The following PXDN variants were observed in gnomAD, a reference collection of about 807,000 sequenced individuals.
PXDN encodes peroxidasin.
A neutral mutation model predicts 140.3 loss-of-function variants in PXDN; 77 were observed. The observed-to-expected ratio is 0.55, with a 90% CI of 0.46 to 0.66. The LOEUF is 0.66. PXDN is among the 30% of genes least tolerant of loss of function. PXDN has a pLI of 0.00. For missense variants in PXDN, 1,838 were observed against 2,039.5 expected, an observed-to-expected ratio of 0.90 and a Z score of 1.90; for synonymous variants, 911 against 857.4, an observed-to-expected ratio of 1.06 and a Z score of -1.09.
At chr2:1,703,462 G>A (rs532524891) in intron 1 of PXDN, among the ~76,000 whole-genome samples, 5 of 38,968 alleles carry the variant, frequency 1.3e-4, no homozygotes, top group Non-Finnish European at 2.1e-4. Context: ...CGGTGAAGGA[G>A]AGACAACTCC....
intron 7 of PXDN, 71 bp downstream of exon 7, chr2:1,680,119 ATGG>A (rs1683855363): frequency 2.8e-6 from 4 of 1,443,408 alleles, no homozygotes; most frequent in African/African-American, 1.4e-5. Context: ...GTGTGTGTAG[ATGG>A]TGTGTGTGTG....
intron 1 of PXDN, among the ~76,000 whole-genome samples, chr2:1,738,552 CT>C (rs11450893): frequency 0.021 from 3,128 of 147,636 alleles, 83 homozygotes; most frequent in African/African-American, 0.072. Context: ...GATCTTCAAA[CT>C]TTTTTTTTTT....
At chr2:1,740,942 A>G (rs1210132702) in intron 1 of PXDN, among the ~76,000 whole-genome samples, 3 of 152,166 alleles carry the variant, frequency 2.0e-5, no homozygotes, top group South Asian at 2.1e-4. Flanking sequence ...CAAGCTCCAC[A>G]TGCCCAGACC....
rs1236274952 is a variant in PXDN at position 1,680,340 on chromosome 2, G to A, written c.583C>T (p.His195Tyr). ...AACCACAGGATTTCACAGTCGCAGT[G>A]AAGTGTGTTTGAGTCCAGTCGCCTG... The part of the protein sequence containing the change: ...KRLRLDSNTL[H>Y]CDCEILWLAD... The change falls in exon 7 of 23, where the codon CAC becomes TAC. Residue 195 changes from histidine (H) to tyrosine (Y), a missense_variant. By Grantham distance (83) the His-to-Tyr change is moderately conservative. Coordinates refer to ENST00000252804, the MANE Select transcript of PXDN (RefSeq NM_012293.3). The A allele has an allele frequency of 1.2e-6, 2 of 1,614,044 alleles. No individual in the cohort carries two copies. Among genetic ancestry groups the A allele is most frequent in the African/African-American group, 1.3e-5 (1 of 75,066 alleles).
chr2:1,735,251 T>C (rs1455449416), intron 1 of PXDN, among the ~76,000 whole-genome samples: 2 of 152,212 alleles, frequency 1.3e-5, no homozygotes, highest in Non-Finnish European at 2.9e-5. Context: ...CCTGTACATG[T>C]TGATGTTTTG....
rs140830364 is a variant in PXDN at position 1,684,364 on chromosome 2, T to C, written c.417-213A>G. Among the ~76,000 whole-genome samples the C allele has an allele frequency of 4.9e-3, 748 of 152,304 alleles. 4 individuals carry two copies. The highest frequency in any genetic ancestry group is 0.017 in the African/African-American group (710 of 41,562). ...AGGCACAGATGTCCACCCTAGTGAC[T>C]GGATAAGGGCGAGGGAGGCCTAGAG... On this transcript the variant is annotated intron_variant, in intron 4 of 22. Coordinates refer to ENST00000252804, the MANE Select transcript of PXDN (RefSeq NM_012293.3).
chr2:1,741,237 A>G (rs1267788241), intron 1 of PXDN, among the ~76,000 whole-genome samples: 1 of 152,136 alleles, frequency 6.6e-6, no homozygotes, highest in Non-Finnish European at 1.5e-5. Flanking sequence ...AGGGGCGTAC[A>G]ACGGCATACT....
rs1170971783 is a variant in PXDN at position 1,683,678 on chromosome 2, G to A, written c.538C>T (p.His180Tyr). 11 of 1,607,720 alleles carry A rather than the reference G, an allele frequency of 6.8e-6. No homozygotes were observed. The highest frequency in any genetic ancestry group is 9.3e-6 in the Non-Finnish European group (11 of 1,177,658). ...CACAATCTCTTCATAGATTCCAAGT[G>A]ATTAAATGTCCCTGGAACTAAATGT... ...ITHLVPGTFN[H>Y]LESMKRLRLD... Residue 180 changes from histidine (H) to tyrosine (Y), a missense_variant, in exon 6 of 23, where the codon CAC becomes TAC. This residue lies in a region of PXDN where 208 missense variants were observed against 325.8 expected (regional missense o/e 0.64). Transcript: ENST00000252804.
chr2:1,716,009 G>A (rs898493720), intron 1 of PXDN, among the ~76,000 whole-genome samples: 1 of 152,322 alleles, frequency 6.6e-6, no homozygotes, highest in South Asian at 2.1e-4. Context: ...TAATTTGACG[G>A]CAGGTGGTGG....
intron 21 of PXDN, chr2:1,635,779 G>C (rs1345275557): frequency 2.1e-6 from 1 of 467,382 alleles, no homozygotes; most frequent in Non-Finnish European, 3.9e-6. Context: ...GTTCTCAGAG[G>C]ACTGTGGGAG....
intron 9 of PXDN, among the ~76,000 whole-genome samples, chr2:1,672,435 C>T (rs559867854): frequency 6.6e-6 from 1 of 152,324 alleles, no homozygotes; most frequent in African/African-American, 2.4e-5. Flanking sequence ...CTTTTTCTCC[C>T]TATTTTGTGG....
At chr2:1,730,799 G>T (rs535137703) in intron 1 of PXDN, among the ~76,000 whole-genome samples, 2 of 152,096 alleles carry the variant, frequency 1.3e-5, no homozygotes, top group Admixed American at 6.6e-5. Context: ...CTTCAGTTAA[G>T]CAACTAGATT....
In PXDN at chr2:1,714,782, C is replaced by A. The variant is rs1365232835; in HGVS notation, c.201-21648G>T. 6.6e-6 allele frequency among the ~76,000 whole-genome samples: 1 copy of A among 152,164 alleles called. No individual in the cohort carries two copies. The highest frequency in any genetic ancestry group is 1.5e-5 in the Non-Finnish European group (1 of 68,026). ...TTCAGACATTTAGAAATGCAAAGTG[C>A]ATAGCTCTTGGGCCGGACAAACCAG... On this transcript the variant is annotated intron_variant, in intron 1 of 22. Coordinates refer to ENST00000252804, the MANE Select transcript of PXDN (RefSeq NM_012293.3). This position sits in a 1 kb window ranked among gnomAD's most constrained non-coding sequence, Gnocchi z 4.3.
In PXDN at chr2:1,744,244, C is replaced by G. The variant is rs1419240582; in HGVS notation, c.200+12G>C. On this transcript the variant is annotated intron_variant, in intron 1 of 22. Transcript: ENST00000252804. ...CGGACCCCGCGCCCCCGGCGTCCCC[C>G]GCGGCACTCACAGGATGGAGGTCTG... 3 of 1,481,454 alleles carry G rather than the reference C, an allele frequency of 2.0e-6. No individual in the cohort carries two copies. The highest frequency in any genetic ancestry group is 2.9e-5 in the African/African-American group (2 of 68,534). 91.8% of individuals were successfully genotyped at this position (1,481,454 alleles called of 1,614,324 possible). A position where few individuals can be genotyped will look rare whatever the true frequency, so the allele number is the denominator to read the frequency against.
At chr2:1,737,836 C>T (rs933889215) in intron 1 of PXDN, among the ~76,000 whole-genome samples, 1 of 152,106 alleles carries the variant, frequency 6.6e-6, no homozygotes, top group Non-Finnish European at 1.5e-5. Flanking sequence ...TCCATGCCCC[C>T]CTTAATGCCT....
intron 1 of PXDN, among the ~76,000 whole-genome samples, chr2:1,735,845 A>G (rs1685415177): frequency 6.6e-6 from 1 of 152,176 alleles, no homozygotes; most frequent in African/African-American, 2.4e-5. Flanking sequence ...TGGAAGTCCT[A>G]GATGGCATCT....
At chr2:1,730,799 G>A (rs535137703) in intron 1 of PXDN, among the ~76,000 whole-genome samples, 2 of 152,214 alleles carry the variant, frequency 1.3e-5, no homozygotes, top group South Asian at 4.1e-4. Context: ...CTTCAGTTAA[G>A]CAACTAGATT....
chr2:1,638,042 G>C (rs941373776), intron 21 of PXDN, among the ~76,000 whole-genome samples: 1 of 152,164 alleles, frequency 6.6e-6, no homozygotes, highest in Non-Finnish European at 1.5e-5. Context: ...TCTCCCTGTG[G>C]CTGGGGGTTA....
intron 1 of PXDN, among the ~76,000 whole-genome samples, chr2:1,740,637 A>C (rs10191981): frequency 0.15 from 23,240 of 150,384 alleles, 1,867 homozygotes; most frequent in East Asian, 0.3. Flanking sequence ...CTTTCCCCAT[A>C]CCCCGTCCCA....
Sources: allele counts gnomAD v4.1 joint callset (sites outside exome capture counted in the v4.1 genomes callset), GRCh38; gene constraint gnomAD v4.1.1; regional missense constraint gnomAD v4.1.1; non-coding constraint Gnocchi (gnomAD v3.1); transcripts MANE v1.5; gene names NCBI Gene and HGNC (gene_info 2026-07-23, HGNC 2026-07-21).